The following ZNF676 variants were observed in gnomAD, a reference collection of about 807,000 sequenced individuals.
ZNF676 encodes zinc finger protein 676.
A neutral mutation model predicts 6.0 loss-of-function variants in ZNF676; 4 were observed. The ratio of observed to expected loss-of-function variants is 0.67; its 90% CI spans 0.33 to 1.53. The LOEUF is 1.53. Among genes scored for constraint, ZNF676 ranks in the 40% most tolerant of loss-of-function variants. The probability of loss-of-function intolerance (pLI) is 0.06; values close to 1 mark genes in which losing one functional copy is unlikely to be tolerated. For missense variants in ZNF676, 644 were observed against 679.7 expected (o/e 0.95, Z 0.58); for synonymous variants, 198 against 223.1 (o/e 0.89, Z 1.00).
rs140737199 is a variant in ZNF676, at chr19:22,188,040, C to T, written c.130+4976G>A. On this transcript the variant is annotated intron_variant, in intron 2 of 2. Transcript: ENST00000397121. ...GGCCAGCATCATCCTGATACCAAAGCCTGGCAGAGACACAACAAAAAAAGA... is the reference window on the plus strand; with the variant it reads ...GGCCAGCATCATCCTGATACCAAAGTCTGGCAGAGACACAACAAAAAAAGA... 4.1e-3 allele frequency among the ~76,000 whole-genome samples: 622 copies of T among 152,144 alleles called. 4 individuals are homozygous for T. Among genetic ancestry groups the T allele is most frequent in the African/African-American group, 0.014 (585 of 41,494 alleles).
the ZNF676 span, among the ~76,000 whole-genome samples, chr19:22,221,780 C>T: frequency 6.6e-6 from 1 of 151,638 alleles, no homozygotes; most frequent in East Asian, 1.9e-4. Flanking sequence ...TGTCTTTTGG[C>T]CTATTATATG....
chr19:22,240,167 T>G, the ZNF676 span, among the ~76,000 whole-genome samples: 284 of 152,282 alleles, frequency 1.9e-3, 2 homozygotes, highest in Middle Eastern at 3.4e-3. Context: ...ATCATCTACA[T>G]GTTGGGACCA....
chr19:22,186,870 C>A (rs1442789097), intron 2 of ZNF676, among the ~76,000 whole-genome samples: 1 of 152,162 alleles, frequency 6.6e-6, no homozygotes. Flanking sequence ...CAGGAGCACC[C>A]AGAATCATAA....
At position 22,179,605 on chromosome 19, in the gene ZNF676, TTTCACATTTGTAGGG is replaced by T; in HGVS notation, c.*330_*344del. 1 of 459,406 alleles carries T rather than the reference TTTCACATTTGTAGGG, an allele frequency of 2.2e-6. No homozygotes were observed. The highest frequency in any genetic ancestry group is 4.2e-6 in the Non-Finnish European group (1 of 240,564). 28.5% of individuals were successfully genotyped at this position (459,406 alleles called of 1,614,324 possible). A position where few individuals can be genotyped will look rare whatever the true frequency, so the allele number is the denominator to read the frequency against. On this transcript the variant is annotated 3_prime_UTR_variant, in exon 3 of 3. Transcript: ENST00000397121. ...AACTAATGAAAAGCTTTGCCACGTT[TTTCACATTTGTAGGG>T]CTTTTCCTCCAGTATGAATTCTTTT...
intron 2 of ZNF676, among the ~76,000 whole-genome samples, chr19:22,189,906 C>T (rs941183370): frequency 2.6e-5 from 4 of 152,078 alleles, no homozygotes; most frequent in Non-Finnish European, 5.9e-5. Context: ...AGTAGAAAAG[C>T]TTTTACACTG....
At chr19:22,228,253 C>A in the ZNF676 span, among the ~76,000 whole-genome samples, 1 of 152,118 alleles carries the variant, frequency 6.6e-6, no homozygotes, top group East Asian at 1.9e-4. Context: ...ATGACAAAAA[C>A]CACGTGATTA....
the ZNF676 span, among the ~76,000 whole-genome samples, chr19:22,249,546 G>A: frequency 6.6e-6 from 1 of 152,076 alleles, no homozygotes; most frequent in Non-Finnish European, 1.5e-5. Context: ...CCTAGTAGCT[G>A]GGATTACAGG....
chr19:22,187,160 A>C (rs531729969), intron 2 of ZNF676, among the ~76,000 whole-genome samples: 1 of 152,318 alleles, frequency 6.6e-6, no homozygotes, highest in Admixed American at 6.5e-5. Context: ...CAGAAATAAT[A>C]ACAAACAGTC....
chr19:22,258,629 C>G, the ZNF676 span, among the ~76,000 whole-genome samples: 1 of 152,094 alleles, frequency 6.6e-6, no homozygotes, highest in Non-Finnish European at 1.5e-5. Flanking sequence ...TTTACATCAC[C>G]TGGGTGTTAC....
chr19:22,241,573 A>T, the ZNF676 span, among the ~76,000 whole-genome samples: 1 of 151,878 alleles, frequency 6.6e-6, no homozygotes, highest in African/African-American at 2.4e-5. Context: ...ACCTGTGCAT[A>T]AGAGTGTCAC....
chr19:22,204,861 G>A (rs2024061145), intron 1 of ZNF676, among the ~76,000 whole-genome samples: 3 of 152,062 alleles, frequency 2.0e-5, no homozygotes, highest in Admixed American at 6.6e-5. Flanking sequence ...ATGACAAAAG[G>A]TTTGTTTCAT....
At chr19:22,190,656 TATATATATAC>T (rs1162197516) in intron 2 of ZNF676, among the ~76,000 whole-genome samples, 5 of 124,794 alleles carry the variant, frequency 4.0e-5, no homozygotes, top group African/African-American at 2.3e-4. Flanking sequence ...TATATATATA[TATATATATAC>T]ATACACACTT....
chr19:22,218,740 T>C (rs1156780271), upstream of ZNF676, among the ~76,000 whole-genome samples: 1 of 152,188 alleles, frequency 6.6e-6, no homozygotes, highest in Non-Finnish European at 1.5e-5. Context: ...TTCATATCTT[T>C]GTTTACTTTG....
At chr19:22,236,470 C>G in the ZNF676 span, among the ~76,000 whole-genome samples, 25 of 152,236 alleles carry the variant, frequency 1.6e-4, 2 homozygotes, top group South Asian at 5.0e-3. Context: ...TTAATAGTCC[C>G]CAAAATGTCC....
At chr19:22,209,573 T>C (rs1344838937) in intron 1 of ZNF676, among the ~76,000 whole-genome samples, 1 of 151,928 alleles carries the variant, frequency 6.6e-6, no homozygotes, top group African/African-American at 2.4e-5. Context: ...GACAAAATAA[T>C]CTCCACACCA....
At chr19:22,192,103 C>G (rs116667995) in intron 2 of ZNF676, among the ~76,000 whole-genome samples, 2,668 of 152,218 alleles carry the variant, frequency 0.018, 50 homozygotes, top group African/African-American at 0.04. Context: ...AAAATCTTTT[C>G]AAACTAATAA....
the ZNF676 span, among the ~76,000 whole-genome samples, chr19:22,235,381 A>C: frequency 6.6e-6 from 1 of 152,146 alleles, no homozygotes; most frequent in Non-Finnish European, 1.5e-5. Flanking sequence ...TGGGTCACTC[A>C]ATAAATGGGC....
the ZNF676 span, among the ~76,000 whole-genome samples, chr19:22,239,422 C>A: frequency 1.3e-5 from 2 of 151,840 alleles, no homozygotes; most frequent in African/African-American, 4.8e-5. Flanking sequence ...CCTCATGATC[C>A]GCCCACCTCG....
the ZNF676 span, among the ~76,000 whole-genome samples, chr19:22,236,514 C>A: frequency 6.6e-6 from 1 of 152,108 alleles, no homozygotes; most frequent in Non-Finnish European, 1.5e-5. Flanking sequence ...ACAGTTACCC[C>A]ATAAAAGGCC....
Sources: allele counts gnomAD v4.1 joint callset (sites outside exome capture counted in the v4.1 genomes callset), GRCh38; gene constraint gnomAD v4.1.1; transcripts MANE v1.5; gene names NCBI Gene and HGNC (gene_info 2026-07-23, HGNC 2026-07-21).